The following ERCC6L2 variants were observed in gnomAD, a reference collection of about 807,000 sequenced individuals.
ERCC6L2 encodes the protein ERCC excision repair 6 like 2, also known as DNA excision repair protein ERCC-6-like 2.
A neutral mutation model predicts 132.0 loss-of-function variants in ERCC6L2; 77 were observed. That is an observed-to-expected ratio of 0.58 (90% CI 0.49 to 0.71). The LOEUF (loss-of-function observed/expected upper bound fraction) is 0.71. Among genes scored for constraint, ERCC6L2 ranks in the 30% least tolerant of loss-of-function variants. The pLI is 0.00. For missense variants in ERCC6L2, 1,542 were observed against 1,837.6 expected, an observed-to-expected ratio of 0.84 and a Z score of 2.94; for synonymous variants, 583 against 632.4, an observed-to-expected ratio of 0.92 and a Z score of 1.17.
At chr9:95,973,626 G>GA (rs1394077108) in intron 16 of ERCC6L2, among the ~76,000 whole-genome samples, 1 of 152,016 alleles carries the variant, frequency 6.6e-6, no homozygotes, top group African/African-American at 2.4e-5. Context: ...GATCTCATGA[G>GA]ACTTATTCGC....
intron 5 of ERCC6L2, 139 bp downstream of exon 5, chr9:95,915,968 C>G: frequency 1.1e-6 from 1 of 884,160 alleles, no homozygotes; most frequent in Non-Finnish European, 1.7e-6. Flanking sequence ...ATGTGGTATA[C>G]ACAGTAGAGA....
At chr9:96,004,883 T>G (rs1446336315) in intron 18 of ERCC6L2, 182 bp downstream of exon 18, 1 of 354,280 alleles carries the variant, frequency 2.8e-6, no homozygotes, top group East Asian at 7.5e-5. Context: ...AATCCCTGAA[T>G]TGATTACCAT....
intron 18 of ERCC6L2, among the ~76,000 whole-genome samples, chr9:96,009,880 G>A (rs1833974016): frequency 6.6e-6 from 1 of 152,200 alleles, no homozygotes; most frequent in Non-Finnish European, 1.5e-5. Context: ...CAGGGTCACG[G>A]GTGAGGTCGT....
chr9:95,989,580 A>G (rs1356811434), intron 17 of ERCC6L2, among the ~76,000 whole-genome samples: 1 of 152,220 alleles, frequency 6.6e-6, no homozygotes, highest in East Asian at 1.9e-4. Context: ...TGCTCTCTGG[A>G]TTAGAGAAGT....
chr9:95,878,190 G>A (rs1035560641), intron 1 of ERCC6L2, among the ~76,000 whole-genome samples: 2 of 152,150 alleles, frequency 1.3e-5, no homozygotes, highest in African/African-American at 2.4e-5. Flanking sequence ...AAGTTTTATT[G>A]GAACACAACT....
In ERCC6L2 at chr9:95,919,200, G is replaced by A. The variant is rs533076794; in HGVS notation, c.1159-1975G>A. Among the ~76,000 whole-genome samples, 86 of 151,948 alleles carry A rather than the reference G, an allele frequency of 5.7e-4. 1 individual carries two copies. The highest frequency in any genetic ancestry group is 2.8e-4 in the Non-Finnish European group (19 of 67,960). On this transcript the variant is annotated intron_variant, in intron 6 of 18. Coordinates refer to ENST00000653738, the MANE Select transcript of ERCC6L2 (RefSeq NM_020207.7). ...TGAGCCTGTTTACAGAATAAACATG[G>A]CATTTAGGGAAAAAAAAAATTAGCA...
At chr9:95,897,201 C>T (rs181709390) in intron 2 of ERCC6L2, among the ~76,000 whole-genome samples, 220 of 152,224 alleles carry the variant, frequency 1.4e-3, no homozygotes, top group African/African-American at 3.4e-3. Flanking sequence ...GAGAGGTTAA[C>T]GCCCTTGCCT....
At position 96,016,276 on chromosome 9, in the gene ERCC6L2, A is replaced by G. The variant is rs1473781986; in HGVS notation, c.*3073A>G. Among the ~76,000 whole-genome samples, 1 of 152,226 alleles carries G rather than the reference A, an allele frequency of 6.6e-6. No individual in the cohort carries two copies. The highest frequency in any genetic ancestry group is 1.5e-5 in the Non-Finnish European group (1 of 68,040). Reference sequence around the variant, plus strand: ...TTAACTAGTAAAACAATTAAAATGCAAGTCTGTTGCTTCAAGCAACACCAC... The same window carrying G: ...TTAACTAGTAAAACAATTAAAATGCGAGTCTGTTGCTTCAAGCAACACCAC... On this transcript the variant is annotated 3_prime_UTR_variant, in exon 19 of 19. Transcript: ENST00000653738.
chr9:95,973,124 A>G (rs565770342), intron 16 of ERCC6L2, 36 bp downstream of exon 16: 16 of 1,225,314 alleles, frequency 1.3e-5, no homozygotes, highest in East Asian at 4.9e-5. Flanking sequence ...TTTAAAAAGT[A>G]TATTTGTTTT....
chr9:95,935,205 A>T (rs1036067864), intron 11 of ERCC6L2, among the ~76,000 whole-genome samples: 3 of 152,190 alleles, frequency 2.0e-5, no homozygotes, highest in African/African-American at 7.2e-5. Context: ...CCATAGAAGG[A>T]TGGTGATGTT....
chr9:96,040,405 G>T (rs1834565271), intron 20 of ERCC6L2, among the ~76,000 whole-genome samples: 1 of 152,190 alleles, frequency 6.6e-6, no homozygotes, highest in South Asian at 2.1e-4. Flanking sequence ...CTTCTCAGGA[G>T]GCCCACGGTT....
chr9:96,000,352 A>G (rs1273893125), intron 17 of ERCC6L2, among the ~76,000 whole-genome samples: 2 of 152,160 alleles, frequency 1.3e-5, no homozygotes, highest in Non-Finnish European at 2.9e-5. Flanking sequence ...ACTAAAGAAC[A>G]TACTCTTGCT....
At chr9:95,906,422 T>C (rs561581995) in intron 3 of ERCC6L2, among the ~76,000 whole-genome samples, 11 of 152,038 alleles carry the variant, frequency 7.2e-5, no homozygotes, top group Non-Finnish European at 1.5e-4. Context: ...CAAGAAGGAA[T>C]GGGAGCCACT....
At chr9:95,891,271 C>T (rs913448839) in intron 2 of ERCC6L2, among the ~76,000 whole-genome samples, 22 of 152,124 alleles carry the variant, frequency 1.4e-4, no homozygotes, top group African/African-American at 4.8e-4. Context: ...TGACACTTTA[C>T]GTACATACTT....
At chr9:95,940,064 C>A (rs1392163017) in intron 11 of ERCC6L2, among the ~76,000 whole-genome samples, 1 of 152,160 alleles carries the variant, frequency 6.6e-6, no homozygotes, top group Non-Finnish European at 1.5e-5. Context: ...TGGAGGGAGA[C>A]CCTGTTATCA....
At chr9:95,951,986 A>G (rs1408440655) in intron 12 of ERCC6L2, among the ~76,000 whole-genome samples, 1 of 151,538 alleles carries the variant, frequency 6.6e-6, no homozygotes, top group Non-Finnish European at 1.5e-5. Flanking sequence ...TGGCCAACAC[A>G]CTGAAACCCC....
At chr9:95,965,162 G>A (rs2133046090) in intron 13 of ERCC6L2, among the ~76,000 whole-genome samples, 1 of 152,166 alleles carries the variant, frequency 6.6e-6, no homozygotes. Context: ...TTTTTTTTAA[G>A]AGAGGCATCT....
intron 11 of ERCC6L2, among the ~76,000 whole-genome samples, chr9:95,939,250 T>C (rs1830690491): frequency 1.3e-5 from 2 of 152,046 alleles, no homozygotes; most frequent in African/African-American, 4.8e-5. Context: ...ATCTTCCTCT[T>C]TCCTTTCTGT....
At chr9:95,941,370 A>C in intron 11 of ERCC6L2, 84 bp from the exon 12 acceptor site, 1 of 945,676 alleles carries the variant, frequency 1.1e-6, no homozygotes, top group Non-Finnish European at 1.7e-6. Context: ...TGTTTTGGCT[A>C]TAGAAACCTG....
Sources: allele counts gnomAD v4.1 joint callset (sites outside exome capture counted in the v4.1 genomes callset), GRCh38; gene constraint gnomAD v4.1.1; transcripts MANE v1.5; gene names NCBI Gene and HGNC (gene_info 2026-07-23, HGNC 2026-07-21).